The following PCDHGA1 variants were observed in gnomAD, a reference collection of about 807,000 sequenced individuals.
The protein encoded by PCDHGA1 is protocadherin gamma subfamily A, 1.
PCDHGA1 carries 32 observed loss-of-function variants against 58.0 expected under a neutral mutation model. The observed-to-expected ratio is 0.55, with a 90% CI of 0.42 to 0.74. PCDHGA1 has a LOEUF of 0.74. Among genes scored for constraint, PCDHGA1 ranks in the 30% least tolerant of loss-of-function variants. The pLI, the probability that PCDHGA1 is intolerant of heterozygous loss-of-function variation, is 0.00. For missense variants in PCDHGA1, 1,205 were observed against 1,182.3 expected, an observed-to-expected ratio of 1.02 and a Z score of -0.28; for synonymous variants, 498 against 501.1, an observed-to-expected ratio of 0.99 and a Z score of 0.08.
rs781651287 is a variant in PCDHGA1, at chr5:141,505,380, A to G, written c.2481-13A>G. ...CCTGGGAGTCTGTGCTCACCATCCT[A>G]CTCTCTCCCCAGCTCCCAAAATGGC... On this transcript the variant is annotated splice_polypyrimidine_tract_variant and intron_variant, in intron 2 of 3. Transcript: ENST00000517417. The G allele has an allele frequency of 4.3e-6, 7 of 1,613,362 alleles. No homozygotes were observed. The African/African-American group carries it at 5.4e-5, about 12-fold the overall frequency.
chr5:141,357,979 C>T (rs554928624), intron 1 of PCDHGA1, among the ~76,000 whole-genome samples: 3 of 152,118 alleles, frequency 2.0e-5, no homozygotes, highest in Admixed American at 6.5e-5. Flanking sequence ...TGCCTGAGCT[C>T]AGGAGTTCGA....
At chr5:141,422,459 T>C (rs1368153179) in intron 1 of PCDHGA1, 1 of 1,613,448 alleles carries the variant, frequency 6.2e-7, no homozygotes, top group South Asian at 1.1e-5. Context: ...AGCAGAGTGC[T>C]GGACAGGGAG....
rs1012028735 is a variant in PCDHGA1 at position 141,413,666 on chromosome 5, C to T, written c.2421+80561C>T. 4 of 1,613,666 alleles carry T rather than the reference C, an allele frequency of 2.5e-6. No individual in the cohort carries two copies. In the African/African-American group the frequency reaches 5.3e-5, roughly 22 times the overall value. On this transcript the variant is annotated intron_variant, in intron 1 of 3. Coordinates refer to ENST00000517417, the MANE Select transcript of PCDHGA1 (RefSeq NM_018912.3). ...TTTCCTCTCCCGGAAGCTATTGATC[C>T]GGATGTGGGCGTGAACTCCCTGCAG... is the stretch of plus-strand genomic sequence containing the variant.
intron 1 of PCDHGA1, among the ~76,000 whole-genome samples, chr5:141,347,325 T>C (rs996360835): frequency 3.3e-5 from 5 of 151,864 alleles, no homozygotes; most frequent in Non-Finnish European, 5.9e-5. Context: ...GCTAATTTGT[T>C]TTTGTTTTTG....
At chr5:141,451,151 A>AT (rs1324071351) in intron 1 of PCDHGA1, among the ~76,000 whole-genome samples, 2 of 152,190 alleles carry the variant, frequency 1.3e-5, no homozygotes, top group Admixed American at 6.5e-5. Context: ...TAGACTAGAC[A>AT]TTTTTTTGGT....
At chr5:141,397,027 G>A (rs1374788251) in intron 1 of PCDHGA1, among the ~76,000 whole-genome samples, 1 of 152,200 alleles carries the variant, frequency 6.6e-6, no homozygotes, top group Non-Finnish European at 1.5e-5. Flanking sequence ...GTTGACCAAT[G>A]TCCACAAATT....
intron 1 of PCDHGA1, chr5:141,394,323 T>A (rs1323089912): frequency 6.2e-7 from 1 of 1,613,982 alleles, no homozygotes; most frequent in South Asian, 1.1e-5. Flanking sequence ...CCTGTCCTCG[T>A]ATATCTCCAT....
intron 1 of PCDHGA1, chr5:141,402,966 C>G (rs749578447): frequency 6.8e-6 from 11 of 1,605,942 alleles, no homozygotes; most frequent in Non-Finnish European, 8.5e-6. Context: ...GCAGCTCCAA[C>G]CAAATGCCAG....
At chr5:141,404,395 CA>C (rs2094524205) in intron 1 of PCDHGA1, 7 of 1,613,768 alleles carry the variant, frequency 4.3e-6, no homozygotes, top group Non-Finnish European at 5.9e-6. Flanking sequence ...ACCCTGATAG[CA>C]ATGAGAATTC....
chr5:141,350,193 T>C (rs987250508), intron 1 of PCDHGA1: 1 of 1,401,174 alleles, frequency 7.1e-7, no homozygotes, highest in Admixed American at 2.8e-5. Context: ...ATCACAGAAG[T>C]CCAGGGTGCT....
intron 1 of PCDHGA1, among the ~76,000 whole-genome samples, chr5:141,457,517 TTAA>T (rs1261688593): frequency 6.6e-6 from 1 of 152,196 alleles, no homozygotes; most frequent in Non-Finnish European, 1.5e-5. Flanking sequence ...TTAAAAACAA[TTAA>T]TGAGACTAGG....
At position 141,332,983 on chromosome 5, in the gene PCDHGA1, C is replaced by T. The variant is rs1023490947; in HGVS notation, c.2299C>T (p.His767Tyr). 6.2e-7 allele frequency: 1 copy of T among 1,614,072 alleles called. No individual in the cohort carries two copies. Among genetic ancestry groups the T allele is most frequent in the African/African-American group, 1.3e-5 (1 of 74,920 alleles). Reference sequence around the variant, plus strand: ...CCTCACTGCGGACTCGCGGAAGAGCCACCTGATTTTCCCCCAGCCCAACTA... The same window carrying T: ...CCTCACTGCGGACTCGCGGAAGAGCTACCTGATTTTCCCCCAGCCCAACTA... The part of the protein sequence containing the change: ...VSLTADSRKS[H>Y]LIFPQPNYAD... Residue 767 changes from histidine (H) to tyrosine (Y), a missense_variant, in exon 1 of 4, where the codon CAC becomes TAC. Physicochemically the swap from His to Tyr is moderately conservative, Grantham distance 83. Transcript: ENST00000517417. The surrounding 1 kb of genome is among the most constrained non-coding windows in gnomAD (Gnocchi z 4.6).
chr5:141,345,242 CTTAG>C, intron 1 of PCDHGA1: 1 of 1,613,948 alleles, frequency 6.2e-7, no homozygotes. Flanking sequence ...AATATTACCG[CTTAG>C]TGACGGCCAC....
chr5:141,427,930 T>C, intron 1 of PCDHGA1: 2 of 1,583,398 alleles, frequency 1.3e-6, no homozygotes. Flanking sequence ...CGGCGCATGT[T>C]GGTGGGCGAC....
intron 1 of PCDHGA1, among the ~76,000 whole-genome samples, chr5:141,437,550 A>T (rs866913156): frequency 6.6e-6 from 1 of 152,192 alleles, no homozygotes; most frequent in African/African-American, 2.4e-5. Context: ...AGTTTTCTTT[A>T]TGACATGTAA....
rs2099404338 is a variant in PCDHGA1, at chr5:141,477,060, C to T, written c.2422-17747C>T. On this transcript the variant is annotated intron_variant, in intron 1 of 3. Coordinates refer to ENST00000517417, the MANE Select transcript of PCDHGA1 (RefSeq NM_018912.3). This position sits in a 1 kb window ranked among gnomAD's most constrained non-coding sequence, Gnocchi z 4.9. Reference sequence around the variant, plus strand: ...AAGGGTCGGCTGGACTTCGAGGACACCAAACTCCATGAGATTTACATCCAG... The same window carrying T: ...AAGGGTCGGCTGGACTTCGAGGACATCAAACTCCATGAGATTTACATCCAG... 3.7e-6 allele frequency: 6 copies of T among 1,614,256 alleles called. No individual in the cohort carries two copies. The highest frequency in any genetic ancestry group is 5.1e-6 in the Non-Finnish European group (6 of 1,180,046).
At chr5:141,429,845 T>C (rs888160645) in intron 1 of PCDHGA1, among the ~76,000 whole-genome samples, 4 of 152,222 alleles carry the variant, frequency 2.6e-5, no homozygotes, top group Non-Finnish European at 1.5e-5. Context: ...GGTAAGTCTG[T>C]AACATTCTTT....
Position 141,332,719 on chromosome 5 carries a change from G to C in PCDHGA1, c.2035G>C (p.Glu679Gln), listed in dbSNP as rs756123314. Residue 679 changes from glutamate (E) to glutamine (Q), a missense_variant, in exon 1 of 4, where the codon GAG becomes CAG. Transcript: ENST00000517417. The surrounding 1 kb of genome is among the most constrained non-coding windows in gnomAD (Gnocchi z 4.6). ...CATCCTGGCCGACCTGGGCAGCCTC[G>C]AGCCCTCCGCCAAACCCAACGATTC... ...SDILADLGSL[E>Q]PSAKPNDSDL... 3.1e-6 allele frequency: 5 copies of C among 1,613,944 alleles called. No individual in the cohort carries two copies. In the East Asian group the frequency reaches 8.9e-5, roughly 29 times the overall value.
Position 141,340,615 on chromosome 5 carries a change from A to G in PCDHGA1, c.2421+7510A>G, listed in dbSNP as rs766188279. 6 of 1,614,188 alleles carry G rather than the reference A, an allele frequency of 3.7e-6. No individual in the cohort carries two copies. In the Admixed American group the frequency reaches 5.0e-5, roughly 13 times the overall value. Reference sequence around the variant, plus strand: ...CTCCACTCAGTAGCAATGTATCATTAAGCCTGTTCGTGCTGGACCAGAACG... The same window carrying G: ...CTCCACTCAGTAGCAATGTATCATTGAGCCTGTTCGTGCTGGACCAGAACG... On this transcript the variant is annotated intron_variant, in intron 1 of 3. Transcript: ENST00000517417.
Sources: gnomAD v4.1 joint callset for allele counts (sites outside exome capture counted in the v4.1 genomes callset) on GRCh38, gnomAD v4.1.1 for gene constraint, Gnocchi (gnomAD v3.1) non-coding constraint, MANE v1.5 for transcripts, NCBI Gene and HGNC (gene_info 2026-07-23, HGNC 2026-07-21) for gene names.